The following NXPE2 variants were observed in gnomAD, a reference collection of about 807,000 sequenced individuals.
NXPE2 encodes the protein NXPE family member 2.
A neutral mutation model predicts 34.4 loss-of-function variants in NXPE2; 34 were observed. The observed-to-expected ratio is 0.99, with a 90% CI of 0.75 to 1.31. NXPE2 has a LOEUF of 1.31. Ranked by LOEUF, NXPE2 falls within the 40% of genes most tolerant of loss-of-function variation. The pLI, the probability that NXPE2 is intolerant of heterozygous loss-of-function variation, is 0.00. For missense variants in NXPE2, 649 were observed against 672.5 expected (o/e 0.97, Z 0.39); for synonymous variants, 235 against 231.3 (o/e 1.02, Z -0.15).
the NXPE2 span, among the ~76,000 whole-genome samples, chr11:114,609,865 ACCAC>A: frequency 3.3e-5 from 5 of 151,554 alleles, no homozygotes; most frequent in African/African-American, 1.2e-4. Context: ...CTCGCGGGTA[ACCAC>A]TCTTACCCAG....
At chr11:114,482,080 C>T in the NXPE2 span, among the ~76,000 whole-genome samples, 1 of 152,112 alleles carries the variant, frequency 6.6e-6, no homozygotes, top group Non-Finnish European at 1.5e-5. Context: ...ATTTTGTGCT[C>T]CTGGGCAAGT....
the NXPE2 span, among the ~76,000 whole-genome samples, chr11:114,767,512 T>C: frequency 1.3e-5 from 2 of 152,220 alleles, no homozygotes; most frequent in Non-Finnish European, 2.9e-5. Context: ...TGCATGGCAG[T>C]GTAATCCTTA....
At chr11:114,510,085 C>A in the NXPE2 span, among the ~76,000 whole-genome samples, 1 of 152,084 alleles carries the variant, frequency 6.6e-6, no homozygotes. Flanking sequence ...TTACAAAAAA[C>A]CAGCAAGTAA....
the NXPE2 span, among the ~76,000 whole-genome samples, chr11:114,734,296 G>A: frequency 6.6e-6 from 1 of 152,112 alleles, no homozygotes; most frequent in Non-Finnish European, 1.5e-5. Context: ...ATTTGGCATA[G>A]TAAATTCTTA....
intron 2 of NXPE2, among the ~76,000 whole-genome samples, chr11:114,694,285 A>T (rs571807105): frequency 6.6e-6 from 1 of 152,340 alleles, no homozygotes; most frequent in African/African-American, 2.4e-5. Flanking sequence ...ACATATTCAC[A>T]GGTTTTGGAG....
the NXPE2 span, among the ~76,000 whole-genome samples, chr11:114,725,976 A>ATATAT: frequency 0.17 from 17,327 of 102,628 alleles, 2,273 homozygotes; most frequent in East Asian, 0.34. Flanking sequence ...ATAAAAAAAA[A>ATATAT]ATATATATAT....
At chr11:114,667,654 G>A in the NXPE2 span, among the ~76,000 whole-genome samples, 7 of 152,044 alleles carry the variant, frequency 4.6e-5, no homozygotes, top group East Asian at 5.8e-4. Context: ...TCATGAGTAC[G>A]CTCAACAGTC....
At chr11:114,661,503 T>C in the NXPE2 span, among the ~76,000 whole-genome samples, 1 of 152,212 alleles carries the variant, frequency 6.6e-6, no homozygotes, top group Non-Finnish European at 1.5e-5. Flanking sequence ...GTCATCATAT[T>C]GCAACTGATG....
At chr11:114,804,837 C>T in the NXPE2 span, among the ~76,000 whole-genome samples, 1 of 152,132 alleles carries the variant, frequency 6.6e-6, no homozygotes, top group Admixed American at 6.5e-5. Flanking sequence ...GCTTCCTGAA[C>T]AAAGGCTTCA....
chr11:114,599,668 C>A, the NXPE2 span, among the ~76,000 whole-genome samples: 1 of 152,116 alleles, frequency 6.6e-6, no homozygotes, highest in Admixed American at 6.6e-5. Flanking sequence ...AAAGTGGGAG[C>A]AGGTGTCTTA....
chr11:114,798,001 A>T, the NXPE2 span, among the ~76,000 whole-genome samples: 1 of 152,188 alleles, frequency 6.6e-6, no homozygotes, highest in Non-Finnish European at 1.5e-5. Context: ...CTGAGAAACA[A>T]TCTAAACCGA....
chr11:114,505,203 C>T, the NXPE2 span, among the ~76,000 whole-genome samples: 1 of 151,984 alleles, frequency 6.6e-6, no homozygotes, highest in South Asian at 2.1e-4. Flanking sequence ...ATGAACAAAA[C>T]CTCTGATAAA....
the NXPE2 span, chr11:114,522,349 C>T: frequency 2.5e-6 from 4 of 1,614,014 alleles, no homozygotes; most frequent in East Asian, 8.9e-5. Context: ...GGTCAATTTC[C>T]CGAGGGATAT....
chr11:114,735,556 G>A, the NXPE2 span, among the ~76,000 whole-genome samples: 1 of 152,124 alleles, frequency 6.6e-6, no homozygotes. Flanking sequence ...ACAAGATAAG[G>A]TATGTATGTT....
the NXPE2 span, among the ~76,000 whole-genome samples, chr11:114,574,261 G>A: frequency 6.6e-6 from 1 of 151,908 alleles, no homozygotes; most frequent in Non-Finnish European, 1.5e-5. Flanking sequence ...AAAAGTCTGA[G>A]AGGGCACAAA....
At chr11:114,614,410 G>C in the NXPE2 span, among the ~76,000 whole-genome samples, 1 of 151,010 alleles carries the variant, frequency 6.6e-6, no homozygotes, top group Non-Finnish European at 1.5e-5. Flanking sequence ...GGTAACCACT[G>C]TTACCCAGTG....
chr11:114,609,561 C>T, the NXPE2 span, among the ~76,000 whole-genome samples: 1 of 151,800 alleles, frequency 6.6e-6, no homozygotes, highest in African/African-American at 2.4e-5. Flanking sequence ...TGAGTATTGC[C>T]TCCTGGGTAA....
the NXPE2 span, among the ~76,000 whole-genome samples, chr11:114,516,482 C>G: frequency 2.0e-5 from 3 of 152,064 alleles, no homozygotes; most frequent in East Asian, 5.8e-4. Flanking sequence ...TAATTCATCA[C>G]CAGATAATTT....
the NXPE2 span, among the ~76,000 whole-genome samples, chr11:114,605,717 T>A: frequency 2.6e-5 from 4 of 151,830 alleles, no homozygotes; most frequent in Non-Finnish European, 5.9e-5. Flanking sequence ...TGTTACCTAA[T>A]GGGTAACCAC....
Sources: allele counts gnomAD v4.1 joint callset (sites outside exome capture counted in the v4.1 genomes callset), GRCh38; gene constraint gnomAD v4.1.1; transcripts MANE v1.5; gene names NCBI Gene and HGNC (gene_info 2026-07-23, HGNC 2026-07-21).